The following FGF12 variants were observed in gnomAD, a reference collection of about 807,000 sequenced individuals.
The protein encoded by FGF12 is fibroblast growth factor 12B.
In FGF12, 14 loss-of-function variants were observed where a neutral mutation model predicts 23.6. The ratio of observed to expected loss-of-function variants is 0.59; its 90% CI spans 0.39 to 0.93. The LOEUF is 0.93. FGF12 is among the 40% of genes least tolerant of loss of function. The pLI is 0.00. For synonymous variants in FGF12, 62 were observed against 77.3 expected (o/e 0.80, Z 1.04); for missense variants, 175 against 217.8 (o/e 0.80, Z 1.24).
intron 3 of FGF12, among the ~76,000 whole-genome samples, chr3:192,354,024 T>C (rs1718352729): frequency 6.6e-6 from 1 of 152,246 alleles, no homozygotes; most frequent in African/African-American, 2.4e-5. Flanking sequence ...TTCTGCTGAC[T>C]TTGGCTGTGT....
Position 192,140,093 on chromosome 3 carries a change from T to C in FGF12, c.*3916A>G, listed in dbSNP as rs1391113437. The C allele has an allele frequency of 6.6e-6, 1 of 152,062 alleles. No homozygotes were observed. Among genetic ancestry groups the C allele is most frequent in the African/African-American group, 2.4e-5 (1 of 41,432 alleles). The allele number at this position is 152,062 out of a possible 1,614,324, so 9.4% of individuals were successfully genotyped here. A position where few individuals can be genotyped will look rare whatever the true frequency, so the allele number is the denominator to read the frequency against. ...TTTGTACCATCATTAGAAATGTACATTAATGTATAAAGTTTTGCATTCAAA... is the reference window on the plus strand; with the variant it reads ...TTTGTACCATCATTAGAAATGTACACTAATGTATAAAGTTTTGCATTCAAA... On this transcript the variant is annotated 3_prime_UTR_variant, in exon 6 of 6. Coordinates refer to ENST00000445105, the MANE Select transcript of FGF12 (RefSeq NM_004113.6).
chr3:192,594,239 A>G (rs759222628), intron 2 of FGF12, among the ~76,000 whole-genome samples: 2 of 151,934 alleles, frequency 1.3e-5, no homozygotes, highest in Non-Finnish European at 2.9e-5. Flanking sequence ...CTAGTTTTAG[A>G]GTCCACACAT....
At chr3:192,416,713 C>A (rs1031448817) in intron 2 of FGF12, among the ~76,000 whole-genome samples, 1 of 152,042 alleles carries the variant, frequency 6.6e-6, no homozygotes, top group Non-Finnish European at 1.5e-5. Context: ...TAATAAAAAT[C>A]CGTCACTCAC....
chr3:192,370,001 T>G (rs541319780), intron 2 of FGF12, among the ~76,000 whole-genome samples: 4 of 152,276 alleles, frequency 2.6e-5, no homozygotes, highest in African/African-American at 9.6e-5. Flanking sequence ...GATTTTGCTT[T>G]GAGCAGCACC....
intron 2 of FGF12, among the ~76,000 whole-genome samples, chr3:192,425,609 T>C (rs1321738726): frequency 6.6e-6 from 1 of 152,082 alleles, no homozygotes; most frequent in Non-Finnish European, 1.5e-5. Flanking sequence ...GTTTGGAGAG[T>C]GTTACCAGCT....
chr3:192,336,600 T>C lies in FGF12; in HGVS notation c.125-1136A>G, dbSNP rs963537946. ...GGCTGTATGCATAAGAGAATATCTC[T>C]GCAGTTCATTTCAGTATCCTGGCTT... On this transcript the variant is annotated intron_variant, in intron 3 of 5. Coordinates refer to ENST00000445105, the MANE Select transcript of FGF12 (RefSeq NM_004113.6). This position sits in a 1 kb window ranked among gnomAD's most constrained non-coding sequence, Gnocchi z 4.3. Among the ~76,000 whole-genome samples, 1 of 152,176 alleles carries C rather than the reference T, an allele frequency of 6.6e-6. No homozygotes were observed. Among genetic ancestry groups the C allele is most frequent in the African/African-American group, 2.4e-5 (1 of 41,458 alleles).
At chr3:192,427,233 T>A (rs547152237) in intron 2 of FGF12, among the ~76,000 whole-genome samples, 1 of 152,094 alleles carries the variant, frequency 6.6e-6, no homozygotes, top group African/African-American at 2.4e-5. Flanking sequence ...ATACAAAAAT[T>A]AGCCGGATGT....
intron 4 of FGF12, among the ~76,000 whole-genome samples, chr3:192,192,194 T>C (rs76183783): frequency 1.3e-5 from 2 of 152,214 alleles, no homozygotes; most frequent in Admixed American, 1.3e-4. Context: ...AATGGAGAAA[T>C]AATAAAATTA....
chr3:192,408,669 T>C lies in FGF12; in HGVS notation c.14-48131A>G. 4.0e-6 allele frequency: 4 copies of C among 1,002,044 alleles called. No individual in the cohort carries two copies. Among genetic ancestry groups the C allele is most frequent in the Non-Finnish European group, 4.8e-6 (4 of 840,560 alleles). 62.1% of individuals were successfully genotyped at this position (1,002,044 alleles called of 1,614,324 possible). Reference sequence around the variant, plus strand: ...CAAGCGTTGTAAGGTGTCCAAAGTATACCTACACATACATACATAGAAAAC... The same window carrying C: ...CAAGCGTTGTAAGGTGTCCAAAGTACACCTACACATACATACATAGAAAAC... On this transcript the variant is annotated intron_variant, in intron 2 of 5. Coordinates refer to ENST00000445105, the MANE Select transcript of FGF12 (RefSeq NM_004113.6). This position sits in a 1 kb window ranked among gnomAD's most constrained non-coding sequence, Gnocchi z 7.3.
At chr3:192,208,689 A>G (rs1387234258) in intron 4 of FGF12, among the ~76,000 whole-genome samples, 4 of 151,962 alleles carry the variant, frequency 2.6e-5, no homozygotes, top group African/African-American at 4.9e-5. Flanking sequence ...TTTAAAACAA[A>G]AAACACTGTT....
At chr3:192,183,355 G>A (rs980941280) in intron 4 of FGF12, among the ~76,000 whole-genome samples, 4 of 152,224 alleles carry the variant, frequency 2.6e-5, no homozygotes, top group Admixed American at 6.5e-5. Flanking sequence ...CTCCAGCCAC[G>A]TTCATTTTAA....
chr3:192,443,394 A>C (rs1722262940), intron 2 of FGF12, among the ~76,000 whole-genome samples: 1 of 152,202 alleles, frequency 6.6e-6, no homozygotes, highest in Admixed American at 6.5e-5. Flanking sequence ...TGTGGATAAT[A>C]ATATAGAAGA....
chr3:192,443,088 G>T (rs117432099), intron 2 of FGF12, among the ~76,000 whole-genome samples: 1 of 152,098 alleles, frequency 6.6e-6, no homozygotes, highest in Non-Finnish European at 1.5e-5. Context: ...GATTACAGGC[G>T]TGAGTCACCG....
intron 2 of FGF12, among the ~76,000 whole-genome samples, chr3:192,718,706 A>G (rs947891613): frequency 3.3e-5 from 5 of 152,174 alleles, no homozygotes; most frequent in African/African-American, 9.7e-5. Flanking sequence ...TACAAACTTT[A>G]GCCAAGTAGC....
At chr3:192,703,441 C>T (rs764341795) in intron 2 of FGF12, among the ~76,000 whole-genome samples, 1 of 152,148 alleles carries the variant, frequency 6.6e-6, no homozygotes, top group Admixed American at 6.5e-5. Context: ...GGCCTTGATG[C>T]TCATGGCTGC....
At chr3:192,461,565 A>G (rs1340186911) in intron 2 of FGF12, among the ~76,000 whole-genome samples, 3 of 152,200 alleles carry the variant, frequency 2.0e-5, no homozygotes, top group African/African-American at 4.8e-5. Flanking sequence ...TTCTTAATTT[A>G]AAGAAATTTT....
intron 2 of FGF12, among the ~76,000 whole-genome samples, chr3:192,499,516 ATTTTTTTTTTTTTT>A (rs71177364): frequency 7.7e-5 from 3 of 38,858 alleles, no homozygotes; most frequent in Non-Finnish European, 1.3e-4. Flanking sequence ...ATATATATAT[ATTTTTTTTTTTTTT>A]TTTTTTTTTT....
intron 2 of FGF12, among the ~76,000 whole-genome samples, chr3:192,495,979 A>C (rs1385388758): frequency 6.6e-6 from 1 of 152,156 alleles, no homozygotes; most frequent in Non-Finnish European, 1.5e-5. Context: ...TCACTTTTAA[A>C]AACAGGAAAC....
At chr3:192,249,764 G>C (rs1711876476) in intron 4 of FGF12, among the ~76,000 whole-genome samples, 1 of 152,150 alleles carries the variant, frequency 6.6e-6, no homozygotes, top group Non-Finnish European at 1.5e-5. Context: ...GACTACAAAA[G>C]GGAGAGGCAT....
Sources: allele counts gnomAD v4.1 joint callset (sites outside exome capture counted in the v4.1 genomes callset), GRCh38; gene constraint gnomAD v4.1.1; non-coding constraint Gnocchi (gnomAD v3.1); transcripts MANE v1.5; gene names NCBI Gene and HGNC (gene_info 2026-07-23, HGNC 2026-07-21).